TUBA3C: variants seen among roughly 807,000 people sequenced by gnomAD.
The protein encoded by TUBA3C is tubulin alpha 3c.
Under a neutral mutation model 33.4 loss-of-function variants are expected in TUBA3C, and 23 were observed. That is an observed-to-expected ratio of 0.69 (90% CI 0.50 to 0.98). TUBA3C has a LOEUF of 0.98. Ranked by LOEUF, TUBA3C falls within the 50% of genes least tolerant of loss-of-function variation. TUBA3C has a pLI of 0.00. For missense variants in TUBA3C, 402 were observed against 616.0 expected (o/e 0.65, Z 3.68); for synonymous variants, 269 against 250.4 (o/e 1.07, Z -0.70).
chr13:19,180,448 A>T (rs763052425), intron 1 of TUBA3C, among the ~76,000 whole-genome samples: 2 of 151,928 alleles, frequency 1.3e-5, no homozygotes, highest in Non-Finnish European at 2.9e-5. Context: ...GCACTTTGGG[A>T]GGCTGAGCTG....
chr13:19,174,344 G>A (rs1022996539), intron 4 of TUBA3C, among the ~76,000 whole-genome samples, 185 bp from the exon 5 acceptor site: 1 of 152,036 alleles, frequency 6.6e-6, no homozygotes, highest in Non-Finnish European at 1.5e-5. Flanking sequence ...ATGTTGCCCA[G>A]GCTGGCCTCA....
chr13:19,176,389 C>T (rs1869179298), intron 4 of TUBA3C, among the ~76,000 whole-genome samples: 1 of 152,096 alleles, frequency 6.6e-6, no homozygotes, highest in Non-Finnish European at 1.5e-5. Context: ...GCACTCCAGC[C>T]TTCTCAACAA....
chr13:19,174,212 T>A, intron 4 of TUBA3C, 53 bp from the exon 5 acceptor site: 1 of 1,547,572 alleles, frequency 6.5e-7, no homozygotes, highest in Non-Finnish European at 8.7e-7. Context: ...AACCTGGAAA[T>A]GGTGGCTGCT....
Position 19,177,990 on chromosome 13 carries a change from G to A in TUBA3C, c.375+256C>T, listed in dbSNP as rs1869262053. On this transcript the variant is annotated intron_variant, in intron 3 of 4. Coordinates refer to ENST00000400113, the MANE Select transcript of TUBA3C (RefSeq NM_006001.3). The surrounding 1 kb of genome is among the most constrained non-coding windows in gnomAD (Gnocchi z 5.0). ...GCTTCCTGAGTAGCTGGGACTACAG[G>A]CAGGCACCACCACGCCTGACTAATG... 6.6e-6 allele frequency among the ~76,000 whole-genome samples: 1 copy of A among 152,060 alleles called. No individual in the cohort carries two copies. The highest frequency in any genetic ancestry group is 2.4e-5 in the African/African-American group (1 of 41,402).
intron 4 of TUBA3C, among the ~76,000 whole-genome samples, chr13:19,176,431 C>T (rs944626745): frequency 2.6e-5 from 4 of 151,752 alleles, no homozygotes; most frequent in African/African-American, 9.7e-5. Flanking sequence ...ATCACAGATA[C>T]ATAGTGTAAT....
intron 3 of TUBA3C, among the ~76,000 whole-genome samples, 182 bp downstream of exon 3, chr13:19,178,064 C>T (rs553311825): frequency 6.8e-4 from 103 of 152,276 alleles, no homozygotes; most frequent in African/African-American, 2.4e-3. Flanking sequence ...CCAGGCTGGT[C>T]TCAAACTCTT....
Position 19,173,806 on chromosome 13 carries a change from T to C in TUBA3C, c.*57A>G, listed in dbSNP as rs1324367114. On this transcript the variant is annotated 3_prime_UTR_variant, in exon 5 of 5. Coordinates refer to ENST00000400113, the MANE Select transcript of TUBA3C (RefSeq NM_006001.3). ...TACAGAACCTTTAATTGCAAAGAAC[T>C]TGAAAGCAGCCACGCTGGGGGTGGC... 6.4e-7 allele frequency: 1 copy of C among 1,568,280 alleles called. No individual in the cohort carries two copies. Among genetic ancestry groups the C allele is most frequent in the Non-Finnish European group, 8.6e-7 (1 of 1,157,360 alleles).
rs1443836266 is a variant in TUBA3C at position 19,179,556 on chromosome 13, C to T, written c.11G>A (p.Cys4Tyr). 2.5e-6 allele frequency: 4 copies of T among 1,613,910 alleles called. No individual in the cohort carries two copies. Among genetic ancestry groups the T allele is most frequent in the Non-Finnish European group, 3.4e-6 (4 of 1,179,888 alleles). ...TGCCTGCCCCACGTGGATAGAGATA[C>T]ACTCACGCTGTGAACCAGAACATAA... is the stretch of plus-strand genomic sequence containing the variant. MRE[C>Y]ISIHVGQAGV... The change falls in exon 2 of 5, where the codon TGT becomes TAT. Residue 4 changes from cysteine (C) to tyrosine (Y), a missense_variant. Physicochemically the swap from Cys to Tyr is radical, Grantham distance 194 (BLOSUM62 -2). Transcript: ENST00000400113.
intron 4 of TUBA3C, among the ~76,000 whole-genome samples, chr13:19,176,189 C>T (rs1869172539): frequency 6.6e-6 from 1 of 151,810 alleles, no homozygotes; most frequent in Non-Finnish European, 1.5e-5. Context: ...GAGGCTAAGA[C>T]AAGCAGATCA....
At position 19,179,288 on chromosome 13, in the gene TUBA3C, C is replaced by T. The variant is rs529609304; in HGVS notation, c.226+53G>A. On this transcript the variant is annotated intron_variant, in intron 2 of 4. Transcript: ENST00000400113. ...AGGAGCCCACATGGGGCCTTACCGA[C>T]GATGCTCTCCCACCCTCCTAAGAAA... 75 of 1,606,280 alleles carry T rather than the reference C, an allele frequency of 4.7e-5. 1 individual carries two copies. The South Asian group carries it at 6.9e-4, about 15-fold the overall frequency.
intron 4 of TUBA3C, among the ~76,000 whole-genome samples, 172 bp from the exon 5 acceptor site, chr13:19,174,331 C>T (rs748265662): frequency 6.6e-6 from 1 of 152,100 alleles, no homozygotes; most frequent in Non-Finnish European, 1.5e-5. Context: ...TTCCAGACAA[C>T]ATATGTTGCC....
chr13:19,179,337 C>G lies in TUBA3C; in HGVS notation c.226+4G>C. The stretch of plus-strand genomic sequence containing the variant: ...AAGCTGCCATCCAGGACCCGAGCAC[C>G]TACCGACCACAGTGGGCTCCAGGTC... On this transcript the variant is annotated splice_donor_region_variant and intron_variant, in intron 2 of 4. Coordinates refer to ENST00000400113, the MANE Select transcript of TUBA3C (RefSeq NM_006001.3). 6.2e-7 allele frequency: 1 copy of G among 1,613,970 alleles called. No individual in the cohort carries two copies. Among genetic ancestry groups the G allele is most frequent in the Non-Finnish European group, 8.5e-7 (1 of 1,179,846 alleles).
rs755224973 is a variant in TUBA3C, at chr13:19,173,997, A to G, written c.1219T>C (p.Trp407Arg). ...LMYAKRAFVHWYVGEGMEEGE... is the reference protein window; with the variant it reads ...LMYAKRAFVHRYVGEGMEEGE... ...TCCTCCATGCCTTCTCCCACGTACC[A>G]GTGCACAAAGGCCCGCTTGGCATAC... The change falls in exon 5 of 5, where the codon TGG (tryptophan) becomes CGG (arginine). Residue 407 changes from tryptophan to arginine, a missense_variant. Coordinates refer to ENST00000400113, the MANE Select transcript of TUBA3C (RefSeq NM_006001.3). The G allele has an allele frequency of 6.2e-7, 1 of 1,612,340 alleles. No individual in the cohort carries two copies.
chr13:19,180,243 G>T (rs1199073354), intron 1 of TUBA3C, among the ~76,000 whole-genome samples: 1 of 152,072 alleles, frequency 6.6e-6, no homozygotes, highest in Non-Finnish European at 1.5e-5. Context: ...CTCCATCAAG[G>T]CCACACTTTT....
At chr13:19,178,644 C>G (rs36215408) in intron 2 of TUBA3C, among the ~76,000 whole-genome samples, 1 of 152,176 alleles carries the variant, frequency 6.6e-6, no homozygotes, top group Non-Finnish European at 1.5e-5. Flanking sequence ...AATGTCAGCA[C>G]GACCAGCTCC....
chr13:19,179,228 C>G (rs1305110786), intron 2 of TUBA3C, 113 bp downstream of exon 2: 1 of 1,476,780 alleles, frequency 6.8e-7, no homozygotes, highest in Non-Finnish European at 9.1e-7. Context: ...TGGGAATATG[C>G]TTGTCTATCT....
At chr13:19,181,618 A>G in intron 1 of TUBA3C, 127 bp downstream of exon 1, 1 of 1,384,098 alleles carries the variant, frequency 7.2e-7, no homozygotes, top group Non-Finnish European at 1.0e-6. Flanking sequence ...TGGGCCCCGC[A>G]TCCTTCTCTG....
chr13:19,179,383 C>T lies in TUBA3C; in HGVS notation c.184G>A (p.Val62Met), dbSNP rs1375848293. ...FFSETGAGKH[V>M]PRAVFVDLEP... ...AGGTCCACAAACACTGCTCTGGGCA[C>T]GTGCTTGCCAGCTCCAGTCTCACTG... The change falls in exon 2 of 5, where the codon GTG (valine) becomes ATG (methionine). Residue 62 changes from valine (V) to methionine (M), a missense_variant. By Grantham distance (21) the Val-to-Met change is conservative. Transcript: ENST00000400113. The T allele has an allele frequency of 1.2e-6, 2 of 1,614,002 alleles. No individual in the cohort carries two copies. Among genetic ancestry groups the T allele is most frequent in the African/African-American group, 1.3e-5 (1 of 75,044 alleles).
Position 19,179,468 on chromosome 13 carries a change from A to G in TUBA3C, c.99T>C (p.Asp33=), listed in dbSNP as rs747210429. The change falls in exon 2 of 5, where the codon GAT becomes GAC. Residue 33 remains aspartate, a synonymous_variant. Transcript: ENST00000400113. ...TGGTTTTATCACTTGGCATCTGACC[A>G]TCGGGCTGAATTCCATGTTCCAGGC... ...LYCLEHGIQP[D]GQMPSDKTIG... is the part of the protein sequence containing the mutation. The G allele has an allele frequency of 2.5e-6, 4 of 1,614,110 alleles. No homozygotes were observed. Among genetic ancestry groups the G allele is most frequent in the Middle Eastern group, 1.6e-4 (1 of 6,062 alleles).
Sources: gnomAD v4.1 joint callset for allele counts (sites outside exome capture counted in the v4.1 genomes callset) on GRCh38, gnomAD v4.1.1 for gene constraint, Gnocchi (gnomAD v3.1) non-coding constraint, MANE v1.5 for transcripts, NCBI Gene and HGNC (gene_info 2026-07-23, HGNC 2026-07-21) for gene names.